Variants in GRIA4 observed in about 807,000 individuals in gnomAD.
GRIA4 encodes the protein glutamate ionotropic receptor AMPA type subunit 4, also known as glutamate receptor 4.
In GRIA4, 34 loss-of-function variants were observed where a neutral mutation model predicts 104.0. The ratio of observed to expected loss-of-function variants is 0.33; its 90% confidence interval spans 0.25 to 0.44. The LOEUF is 0.44. Among genes scored for constraint, GRIA4 ranks in the 20% least tolerant of loss-of-function variants. The pLI, the probability that GRIA4 is intolerant of heterozygous loss-of-function variation, is 1.00. For missense variants in GRIA4, 750 were observed against 1,096.5 expected (o/e 0.68, Z 4.46); for synonymous variants, 386 against 381.9 (o/e 1.01, Z -0.13).
At chr11:105,826,455 A>G (rs1243231263) in intron 4 of GRIA4, among the ~76,000 whole-genome samples, 1 of 152,062 alleles carries the variant, frequency 6.6e-6, no homozygotes, top group East Asian at 1.9e-4. Context: ...AGAGGGACAA[A>G]GCTTCCATAC....
chr11:105,734,971 T>C (rs1005448599), intron 3 of GRIA4, among the ~76,000 whole-genome samples: 1 of 152,204 alleles, frequency 6.6e-6, no homozygotes, highest in Non-Finnish European at 1.5e-5. Context: ...ATAGTTGTTA[T>C]AGCCACGATG....
intron 3 of GRIA4, among the ~76,000 whole-genome samples, chr11:105,687,268 A>G (rs1952912032): frequency 6.6e-6 from 1 of 152,224 alleles, no homozygotes; most frequent in Admixed American, 6.5e-5. Context: ...GCTAAAAAAT[A>G]TGTATTTGAA....
At chr11:105,938,888 C>A (rs1438543779) in intron 14 of GRIA4, among the ~76,000 whole-genome samples, 4 of 152,164 alleles carry the variant, frequency 2.6e-5, no homozygotes, top group African/African-American at 9.7e-5. Context: ...AATCTATATA[C>A]TGCATTCCTC....
rs1432159764 is a variant in GRIA4 at position 105,931,180 on chromosome 11, C to T, written c.2047-2542C>T. Among the ~76,000 whole-genome samples, 6 of 151,826 alleles carry T rather than the reference C, an allele frequency of 4.0e-5. No homozygotes were observed. In the East Asian group the frequency reaches 9.7e-4, roughly 25 times the overall value. On this transcript the variant is annotated intron_variant, in intron 13 of 16. Coordinates refer to ENST00000282499, the MANE Select transcript of GRIA4 (RefSeq NM_000829.4). ...TACTTGAGGATTTGGAATCCAAGTA[C>T]TCATCAGTCCTGGAAGGATATAGAA...
chr11:105,838,998 C>A (rs1455542106), intron 4 of GRIA4, among the ~76,000 whole-genome samples: 1 of 152,130 alleles, frequency 6.6e-6, no homozygotes, highest in East Asian at 1.9e-4. Context: ...ATTTCTTCAA[C>A]TTTCTCAGTG....
intron 4 of GRIA4, among the ~76,000 whole-genome samples, chr11:105,829,079 A>C (rs1230874637): frequency 6.6e-6 from 1 of 151,872 alleles, no homozygotes; most frequent in Admixed American, 6.6e-5. Context: ...ATTGTGTGCT[A>C]TATCCAGTGA....
At chr11:105,717,775 A>G (rs534221957) in intron 3 of GRIA4, among the ~76,000 whole-genome samples, 205 of 151,734 alleles carry the variant, frequency 1.4e-3, no homozygotes, top group African/African-American at 4.6e-3. Context: ...GGTTAGTTAC[A>G]TATGTATACA....
At chr11:105,940,867 C>T (rs147164872) in intron 14 of GRIA4, among the ~76,000 whole-genome samples, 3 of 151,956 alleles carry the variant, frequency 2.0e-5, no homozygotes, top group African/African-American at 4.8e-5. Flanking sequence ...TTAGAATGAG[C>T]TGGAGAATAG....
At chr11:105,771,289 A>AC (rs1941196874) in intron 4 of GRIA4, among the ~76,000 whole-genome samples, 1 of 152,074 alleles carries the variant, frequency 6.6e-6, no homozygotes, top group African/African-American at 2.4e-5. Context: ...ATTTTGCACT[A>AC]TTTTTTGAAA....
At chr11:105,650,635 A>G (rs558921052) in intron 3 of GRIA4, among the ~76,000 whole-genome samples, 4 of 152,306 alleles carry the variant, frequency 2.6e-5, no homozygotes, top group Admixed American at 2.0e-4. Flanking sequence ...CTAGTTAGGA[A>G]GGGCAGACAC....
At chr11:105,810,357 A>T (rs1591291609) in intron 4 of GRIA4, among the ~76,000 whole-genome samples, 1 of 152,192 alleles carries the variant, frequency 6.6e-6, no homozygotes, top group Non-Finnish European at 1.5e-5. Flanking sequence ...GAGGTGAAAG[A>T]GAGGGAGAAG....
chr11:105,808,788 C>A (rs1318763140), intron 4 of GRIA4, among the ~76,000 whole-genome samples: 1 of 152,060 alleles, frequency 6.6e-6, no homozygotes. Flanking sequence ...TTCTAAAAGT[C>A]TGCTAACTAA....
intron 9 of GRIA4, among the ~76,000 whole-genome samples, chr11:105,908,881 T>C (rs747419769): frequency 3.9e-5 from 6 of 152,130 alleles, no homozygotes; most frequent in Non-Finnish European, 5.9e-5. Context: ...AGTGCTAAAC[T>C]GTAAAACCCC....
intron 4 of GRIA4, among the ~76,000 whole-genome samples, chr11:105,823,369 G>A (rs922295739): frequency 2.6e-5 from 4 of 151,918 alleles, no homozygotes; most frequent in Non-Finnish European, 4.4e-5. Context: ...AGAATTCTGC[G>A]GTTAGGTTCT....
At chr11:105,701,661 A>T (rs1417413813) in intron 3 of GRIA4, among the ~76,000 whole-genome samples, 2 of 152,162 alleles carry the variant, frequency 1.3e-5, no homozygotes, top group Non-Finnish European at 2.9e-5. Context: ...AATGCAATTA[A>T]ATAGTGAGGG....
intron 14 of GRIA4, among the ~76,000 whole-genome samples, chr11:105,957,534 T>A (rs950731204): frequency 1.3e-5 from 2 of 152,206 alleles, no homozygotes; most frequent in African/African-American, 2.4e-5. Flanking sequence ...TAGTTTGAAG[T>A]CAGGTAGTGT....
chr11:105,649,374 T>G (rs1409253994), intron 3 of GRIA4, among the ~76,000 whole-genome samples: 1 of 152,166 alleles, frequency 6.6e-6, no homozygotes, highest in African/African-American at 2.4e-5. Context: ...GAATGTGAAT[T>G]CATTTAGAAA....
chr11:105,849,225 T>C (rs1944709117), intron 4 of GRIA4, among the ~76,000 whole-genome samples: 1 of 152,102 alleles, frequency 6.6e-6, no homozygotes, highest in Non-Finnish European at 1.5e-5. Flanking sequence ...AATACCTGAA[T>C]TCCCTCTTCT....
At chr11:105,866,812 G>A (rs1238006700) in intron 5 of GRIA4, among the ~76,000 whole-genome samples, 1 of 151,652 alleles carries the variant, frequency 6.6e-6, no homozygotes, top group East Asian at 1.9e-4. Flanking sequence ...AAATAGATGA[G>A]ATATCAAAGG....
Sources: gnomAD v4.1 joint callset for allele counts (sites outside exome capture counted in the v4.1 genomes callset) on GRCh38, gnomAD v4.1.1 for gene constraint, MANE v1.5 for transcripts, NCBI Gene and HGNC (gene_info 2026-07-23, HGNC 2026-07-21) for gene names.